RBMS1: variants seen among roughly 807,000 people sequenced by gnomAD.
RBMS1 encodes RNA binding motif single stranded interacting protein 1.
RBMS1 carries 17 observed loss-of-function variants against 62.3 expected under a neutral mutation model. The ratio of observed to expected loss-of-function variants is 0.27; its 90% CI spans 0.19 to 0.41. The LOEUF (loss-of-function observed/expected upper bound fraction) is 0.41, where lower values mean the gene tolerates loss of function less well. RBMS1 is among the 10% of genes least tolerant of loss of function. The probability of loss-of-function intolerance (pLI) is 1.00; values close to 1 mark genes in which losing one functional copy is unlikely to be tolerated. For missense variants in RBMS1, 334 were observed against 504.5 expected (o/e 0.66, Z 3.24); for synonymous variants, 172 against 170.0 (o/e 1.01, Z -0.09).
intron 1 of RBMS1, among the ~76,000 whole-genome samples, chr2:160,373,874 A>C (rs767496957): frequency 2.6e-5 from 4 of 152,202 alleles, no homozygotes; most frequent in Non-Finnish European, 5.9e-5. Flanking sequence ...GAGTTCAACC[A>C]AGGGAAGATC....
intron 1 of RBMS1, among the ~76,000 whole-genome samples, chr2:160,487,494 G>T (rs1395620102): frequency 2.0e-5 from 3 of 152,350 alleles, no homozygotes; most frequent in South Asian, 4.1e-4. Flanking sequence ...TGCAAAGAAT[G>T]ATGTACTGGG....
intron 1 of RBMS1, among the ~76,000 whole-genome samples, chr2:160,369,149 G>A (rs1354669135): frequency 2.0e-5 from 3 of 152,092 alleles, no homozygotes; most frequent in Non-Finnish European, 4.4e-5. Context: ...TGGGAACATC[G>A]GTATTGCTTA....
chr2:160,407,659 G>A, intron 1 of RBMS1: 1 of 981,654 alleles, frequency 1.0e-6, no homozygotes, highest in South Asian at 4.5e-5. Context: ...ACTCCCTCTC[G>A]CCGCGCGGCG....
chr2:160,461,195 G>C (rs758602978), intron 1 of RBMS1, among the ~76,000 whole-genome samples: 5 of 152,046 alleles, frequency 3.3e-5, no homozygotes, highest in African/African-American at 1.2e-4. Context: ...GCTGCAGTGA[G>C]CTATGATTGA....
In RBMS1 at chr2:160,492,900, T is replaced by C. The variant is rs1478330414; in HGVS notation, c.75+389A>G. ...GTTACAGCTTACAGGGCGAGGCCCTTGGAGAAGGGGTCGAAAAGCCGGGCC... is the reference window on the plus strand; with the variant it reads ...GTTACAGCTTACAGGGCGAGGCCCTCGGAGAAGGGGTCGAAAAGCCGGGCC... On this transcript the variant is annotated intron_variant, in intron 1 of 13. Coordinates refer to ENST00000348849, the MANE Select transcript of RBMS1 (RefSeq NM_016836.4). 7 of 185,664 alleles carry C rather than the reference T, an allele frequency of 3.8e-5. No individual in the cohort carries two copies. The East Asian group carries it at 7.6e-4, about 20-fold the overall frequency. The allele number at this position is 185,664 out of a possible 1,614,324, so 11.5% of individuals were successfully genotyped here. A position where few individuals can be genotyped will look rare whatever the true frequency, so the allele number is the denominator to read the frequency against.
intron 1 of RBMS1, among the ~76,000 whole-genome samples, chr2:160,399,170 T>G (rs1003673669): frequency 3.3e-5 from 5 of 152,218 alleles, no homozygotes; most frequent in Non-Finnish European, 5.9e-5. Context: ...TTATCCTGTC[T>G]CCTGAGTTAG....
intron 1 of RBMS1, among the ~76,000 whole-genome samples, chr2:160,414,206 T>C (rs1167751301): frequency 6.6e-6 from 1 of 152,222 alleles, no homozygotes; most frequent in Non-Finnish European, 1.5e-5. Context: ...ATATCGTGAA[T>C]AGTACAGGTA....
At chr2:160,302,127 T>G (rs1197397870) in intron 5 of RBMS1, among the ~76,000 whole-genome samples, 1 of 152,118 alleles carries the variant, frequency 6.6e-6, no homozygotes, top group African/African-American at 2.4e-5. Context: ...TCTGAAGTGT[T>G]TTTTTTCTGG....
At chr2:160,330,490 T>C (rs911972621) in intron 2 of RBMS1, among the ~76,000 whole-genome samples, 35 of 152,158 alleles carry the variant, frequency 2.3e-4, no homozygotes, top group African/African-American at 8.2e-4. Flanking sequence ...CAGGCTAGAA[T>C]GAATACTTAG....
At position 160,272,507 on chromosome 2, in the gene RBMS1, G is replaced by A. The variant is rs1033401105; in HGVS notation, c.*2265C>T. ...TTTTTTTTTTATGTACAGAGGTTAT[G>A]TTTCCCAAATCTTACCCAGACGAGT... On this transcript the variant is annotated 3_prime_UTR_variant, in exon 14 of 14. Transcript: ENST00000348849. 6.7e-6 allele frequency: 1 copy of A among 149,262 alleles called. No homozygotes were observed. Among genetic ancestry groups the A allele is most frequent in the African/African-American group, 2.5e-5 (1 of 40,368 alleles). The allele number at this position is 149,262 out of a possible 1,614,324, so 9.2% of individuals were successfully genotyped here. A position where few individuals can be genotyped will look rare whatever the true frequency, so the allele number is the denominator to read the frequency against.
chr2:160,310,065 G>A (rs555111179), intron 4 of RBMS1, among the ~76,000 whole-genome samples: 65 of 152,106 alleles, frequency 4.3e-4, no homozygotes, highest in African/African-American at 1.4e-3. Context: ...AATGTTAACC[G>A]AGAGCCTATT....
intron 1 of RBMS1, among the ~76,000 whole-genome samples, chr2:160,387,712 T>C (rs1252548232): frequency 6.6e-6 from 1 of 152,166 alleles, no homozygotes; most frequent in East Asian, 1.9e-4. Flanking sequence ...ATCTCTCCTT[T>C]TTGTGACAGC....
At chr2:160,372,419 T>C (rs1179804086) in intron 1 of RBMS1, among the ~76,000 whole-genome samples, 1 of 152,100 alleles carries the variant, frequency 6.6e-6, no homozygotes, top group Non-Finnish European at 1.5e-5. Context: ...ATTTCCTTCA[T>C]CCAGAAGCAA....
intron 6 of RBMS1, among the ~76,000 whole-genome samples, chr2:160,291,727 T>C (rs764802800): frequency 1.2e-4 from 19 of 152,208 alleles, no homozygotes; most frequent in Non-Finnish European, 2.1e-4. Context: ...CCTGATTATA[T>C]ATAGTCATGC....
intron 1 of RBMS1, chr2:160,407,863 G>C: frequency 1.0e-6 from 1 of 981,212 alleles, no homozygotes; most frequent in Non-Finnish European, 1.2e-6. Flanking sequence ...GAGGAGCAGC[G>C]CCGCCGCGTC....
At chr2:160,413,715 A>G (rs1226644565) in intron 1 of RBMS1, among the ~76,000 whole-genome samples, 1 of 152,258 alleles carries the variant, frequency 6.6e-6, no homozygotes, top group Non-Finnish European at 1.5e-5. Flanking sequence ...CTCTGCATGT[A>G]GTATTAAATA....
At chr2:160,460,580 T>C (rs536601303) in intron 1 of RBMS1, among the ~76,000 whole-genome samples, 41 of 152,356 alleles carry the variant, frequency 2.7e-4, no homozygotes, top group Non-Finnish European at 4.4e-4. Flanking sequence ...GCTCTGCCAC[T>C]ACACAACAGT....
intron 1 of RBMS1, among the ~76,000 whole-genome samples, chr2:160,380,660 T>C (rs545282267): frequency 1.1e-4 from 17 of 152,268 alleles, no homozygotes; most frequent in Non-Finnish European, 2.1e-4. Context: ...TTAAGAGAAA[T>C]GGTGGTTTGT....
intron 1 of RBMS1, among the ~76,000 whole-genome samples, chr2:160,370,009 C>T (rs1362714531): frequency 1.3e-5 from 2 of 152,102 alleles, no homozygotes; most frequent in African/African-American, 4.8e-5. Flanking sequence ...TCCATATTTA[C>T]TGCAGTATTT....
Sources: gnomAD v4.1 joint callset for allele counts (sites outside exome capture counted in the v4.1 genomes callset) on GRCh38, gnomAD v4.1.1 for gene constraint, MANE v1.5 for transcripts, NCBI Gene and HGNC (gene_info 2026-07-23, HGNC 2026-07-21) for gene names.